Variants in EYA4 observed in about 807,000 individuals in gnomAD.
EYA4 encodes protein phosphatase EYA4.
Under a neutral mutation model 87.9 loss-of-function variants are expected in EYA4, and 31 were observed. The observed-to-expected ratio is 0.35, with a 90% CI of 0.27 to 0.48. The LOEUF (loss-of-function observed/expected upper bound fraction) is 0.48. Among genes scored for constraint, EYA4 ranks in the 20% least tolerant of loss-of-function variants. The probability of loss-of-function intolerance (pLI) is 0.99; values close to 1 mark genes in which losing one functional copy is unlikely to be tolerated. For synonymous variants in EYA4, 263 were observed against 270.6 expected, an observed-to-expected ratio of 0.97 and a Z score of 0.28; for missense variants, 678 against 761.4, an observed-to-expected ratio of 0.89 and a Z score of 1.29.
rs11298929 is a variant in EYA4, at chr6:133,338,849, CTTT to C, written c.34-43533_34-43531del. 5.3e-4 allele frequency among the ~76,000 whole-genome samples: 79 copies of C among 149,020 alleles called. 1 individual carries two copies. The highest frequency in any genetic ancestry group is 3.4e-3 in the Middle Eastern group (1 of 292). On this transcript the variant is annotated intron_variant, in intron 2 of 19. Coordinates refer to ENST00000355286, the MANE Select transcript of EYA4 (RefSeq NM_004100.5). ...TTCAGAAAATTATCACCAATTGCTT[CTTT>C]TTTTTTTTTGTCTTCTCAGAAATGG... is the stretch of plus-strand genomic sequence containing the variant.
At chr6:133,523,489 G>A (rs930937724) in intron 18 of EYA4, among the ~76,000 whole-genome samples, 2 of 152,228 alleles carry the variant, frequency 1.3e-5, no homozygotes, top group Non-Finnish European at 2.9e-5. Context: ...GGCTTATAAT[G>A]TTGCATCCTT....
chr6:133,398,285 T>C (rs1787973432), intron 3 of EYA4, among the ~76,000 whole-genome samples: 1 of 152,206 alleles, frequency 6.6e-6, no homozygotes, highest in Admixed American at 6.5e-5. Context: ...GAGGGAGTTA[T>C]TGAGACTAGT....
At chr6:133,395,415 T>C (rs1289471595) in intron 3 of EYA4, among the ~76,000 whole-genome samples, 1 of 152,174 alleles carries the variant, frequency 6.6e-6, no homozygotes, top group Admixed American at 6.5e-5. Context: ...CACTACCGTA[T>C]GCCATATAAG....
At chr6:133,446,006 T>C (rs1391011622) in intron 3 of EYA4, among the ~76,000 whole-genome samples, 1 of 152,200 alleles carries the variant, frequency 6.6e-6, no homozygotes, top group African/African-American at 2.4e-5. Context: ...CTAAAAGTGT[T>C]ACAAAACCAG....
intron 1 of EYA4, among the ~76,000 whole-genome samples, chr6:133,243,089 C>CGT (rs3065226): frequency 0.097 from 14,121 of 145,420 alleles, 714 homozygotes; most frequent in African/African-American, 0.11. Flanking sequence ...GGAGCAACTT[C>CGT]GTGTGTGTGT....
intron 3 of EYA4, among the ~76,000 whole-genome samples, chr6:133,408,216 T>A (rs879454107): frequency 2.8e-4 from 43 of 152,204 alleles, no homozygotes; most frequent in Non-Finnish European, 5.9e-4. Flanking sequence ...CATCTTTTGT[T>A]GGGGAATACC....
At chr6:133,500,909 G>A (rs1359647242) in intron 13 of EYA4, among the ~76,000 whole-genome samples, 1 of 152,130 alleles carries the variant, frequency 6.6e-6, no homozygotes, top group Non-Finnish European at 1.5e-5. Context: ...CAAGTCTGAG[G>A]AGCCACCTTG....
chr6:133,336,560 A>G (rs1782380966), intron 2 of EYA4, among the ~76,000 whole-genome samples: 1 of 152,228 alleles, frequency 6.6e-6, no homozygotes, highest in Non-Finnish European at 1.5e-5. Context: ...TTCAGACAAG[A>G]TTAAAGACAT....
At chr6:133,308,194 A>T (rs1191251401) in intron 2 of EYA4, among the ~76,000 whole-genome samples, 15 of 152,138 alleles carry the variant, frequency 9.9e-5, no homozygotes. Context: ...TCATTAGTCC[A>T]TGAAAATGGA....
chr6:133,530,105 A>C lies in EYA4; in HGVS notation c.*1300A>C. ...GGTGTCTAATGAAAGCAATGAGTCTATGAAAATTTTACCTAGAATATCATC... is the reference window on the plus strand; with the variant it reads ...GGTGTCTAATGAAAGCAATGAGTCTCTGAAAATTTTACCTAGAATATCATC... On this transcript the variant is annotated 3_prime_UTR_variant, in exon 20 of 20. Coordinates refer to ENST00000355286, the MANE Select transcript of EYA4 (RefSeq NM_004100.5). 2 of 985,276 alleles carry C rather than the reference A, an allele frequency of 2.0e-6. No homozygotes were observed. Among genetic ancestry groups the C allele is most frequent in the Non-Finnish European group, 2.4e-6 (2 of 829,762 alleles). 61.0% of individuals were successfully genotyped at this position (985,276 alleles called of 1,614,324 possible).
intron 2 of EYA4, among the ~76,000 whole-genome samples, chr6:133,276,180 T>C (rs1777148017): frequency 6.6e-6 from 1 of 152,186 alleles, no homozygotes; most frequent in Non-Finnish European, 1.5e-5. Flanking sequence ...GCTGTTGATC[T>C]GAACTTTGTT....
intron 11 of EYA4, among the ~76,000 whole-genome samples, chr6:133,478,563 TA>T (rs933811051): frequency 2.0e-4 from 30 of 152,024 alleles, no homozygotes; most frequent in Non-Finnish European, 4.1e-4. Context: ...TATATTTCAA[TA>T]AAAAAAATTT....
chr6:133,419,125 G>A (rs1216731493), intron 3 of EYA4, among the ~76,000 whole-genome samples: 2 of 152,078 alleles, frequency 1.3e-5, no homozygotes, highest in Non-Finnish European at 2.9e-5. Context: ...ATAGGTATAG[G>A]CCCTGCACGG....
intron 9 of EYA4, 133 bp downstream of exon 9, chr6:133,462,897 A>C: frequency 1.2e-6 from 1 of 836,206 alleles, no homozygotes; most frequent in East Asian, 2.5e-5. Flanking sequence ...TTCTAAAGAA[A>C]GATAACTAGA....
intron 2 of EYA4, chr6:133,325,203 G>A (rs1015726): frequency 0.44 from 66,560 of 152,126 alleles, 15,268 homozygotes; most frequent in Non-Finnish European, 0.52. Context: ...TATTTTGATA[G>A]AGGTGGTGTA....
intron 19 of EYA4, among the ~76,000 whole-genome samples, chr6:133,526,683 G>A (rs1007615502): frequency 2.0e-5 from 3 of 152,158 alleles, no homozygotes; most frequent in Non-Finnish European, 4.4e-5. Context: ...CAGGGCTGCA[G>A]CCTCAAGAAA....
intron 2 of EYA4, among the ~76,000 whole-genome samples, chr6:133,375,987 T>A (rs542513997): frequency 9.6e-4 from 146 of 151,938 alleles, no homozygotes; most frequent in African/African-American, 3.4e-3. Context: ...TAGGCATTGA[T>A]ATACTACAGT....
At chr6:133,469,613 C>T (rs1046849315) in intron 11 of EYA4, among the ~76,000 whole-genome samples, 1 of 151,648 alleles carries the variant, frequency 6.6e-6, no homozygotes, top group Admixed American at 6.6e-5. Context: ...TAGTTTTTTT[C>T]AACAAATGGT....
intron 1 of EYA4, chr6:133,245,347 C>G (rs1774319577): frequency 6.6e-6 from 1 of 152,156 alleles, no homozygotes; most frequent in African/African-American, 2.4e-5. Context: ...AAACCTCTAT[C>G]AAAACACCTT....
Sources: allele counts gnomAD v4.1 joint callset (sites outside exome capture counted in the v4.1 genomes callset), GRCh38; gene constraint gnomAD v4.1.1; transcripts MANE v1.5; gene names NCBI Gene and HGNC (gene_info 2026-07-23, HGNC 2026-07-21).